ENDOU: variants seen among roughly 807,000 people sequenced by gnomAD.
The protein encoded by ENDOU is endonuclease, poly(U) specific, also known as uridylate-specific endoribonuclease.
In ENDOU, 49 loss-of-function variants were observed where a neutral mutation model predicts 54.2. The ratio of observed to expected loss-of-function variants is 0.90; its 90% CI spans 0.72 to 1.15. ENDOU has a LOEUF of 1.15. ENDOU is among the 50% of genes most tolerant of loss of function. The probability of loss-of-function intolerance (pLI) is 0.00; values close to 1 mark genes in which losing one functional copy is unlikely to be tolerated. For missense variants in ENDOU, 458 were observed against 511.4 expected (o/e 0.90, Z 1.01); for synonymous variants, 172 against 190.5 (o/e 0.90, Z 0.80).
rs765256309 is a variant in ENDOU at position 47,716,841 on chromosome 12, G to A, written c.551+49C>T. The A allele has an allele frequency of 3.1e-6, 5 of 1,592,904 alleles. No homozygotes were observed. In the African/African-American group the frequency reaches 5.4e-5, roughly 17 times the overall value. On this transcript the variant is annotated intron_variant, in intron 5 of 9. Coordinates refer to ENST00000422538, the MANE Select transcript of ENDOU (RefSeq NM_001172439.2). ...AAAGTCGAGACATCGAAAGAAGCAA[G>A]GATAGGGGCAAGATTTAGGGGGTAG...
intron 1 of ENDOU, among the ~76,000 whole-genome samples, chr12:47,721,624 C>T (rs924190111): frequency 2.0e-5 from 3 of 152,144 alleles, no homozygotes; most frequent in Non-Finnish European, 1.5e-5. Flanking sequence ...GAGGCGGGTG[C>T]GGGTGAGAAT....
In ENDOU at chr12:47,712,517, G is replaced by A. The variant is rs1940064789; in HGVS notation, c.971C>T (p.Pro324Leu). 6.2e-7 allele frequency: 1 copy of A among 1,609,090 alleles called. No individual in the cohort carries two copies. The highest frequency in any genetic ancestry group is 1.1e-5 in the South Asian group (1 of 90,932). Reference sequence around the variant, plus strand: ...GGCTTTTCTAGTCCGTGTACTCACAGGCCCATCGTAGATGTGACTGTAATA... The same window carrying A: ...GGCTTTTCTAGTCCGTGTACTCACAAGCCCATCGTAGATGTGACTGTAATA... The part of the protein sequence containing the change: ...VDYYSHIYDG[P>L]WDSYPDVLAM... The change falls in exon 8 of 10, where the codon CCT (proline) becomes CTT (leucine). Residue 324 changes from proline (P) to leucine (L), a missense_variant and splice_region_variant. Physicochemically the swap from Pro to Leu is moderately conservative, Grantham distance 98 (BLOSUM62 -3). Coordinates refer to ENST00000422538, the MANE Select transcript of ENDOU (RefSeq NM_001172439.2).
chr12:47,723,195 A>G (rs577617627), intron 1 of ENDOU, among the ~76,000 whole-genome samples: 1 of 152,274 alleles, frequency 6.6e-6, no homozygotes, highest in East Asian at 1.9e-4. Flanking sequence ...GGGCTTTTTC[A>G]TCTCTGCTCA....
intron 2 of ENDOU, among the ~76,000 whole-genome samples, chr12:47,718,885 C>G (rs905130300): frequency 2.0e-5 from 3 of 152,022 alleles, no homozygotes; most frequent in Admixed American, 2.0e-4. Context: ...ACCAGCACCC[C>G]CTCCACACAC....
rs200392378 is a variant in ENDOU at position 47,716,872 on chromosome 12, G to A, written c.551+18C>T. 1,610 of 1,613,462 alleles carry A rather than the reference G, an allele frequency of 1.0e-3. 11 individuals carry two copies. Among genetic ancestry groups the A allele is most frequent in the Non-Finnish European group, 2.8e-4 (326 of 1,179,700 alleles). ...GGGCAAGATTTAGGGGGTAGAAAGA[G>A]GAATTGTGGGAACTCACGGCTTTGG... On this transcript the variant is annotated intron_variant, in intron 5 of 9. Transcript: ENST00000422538.
rs1394399379 is a variant in ENDOU at position 47,711,748 on chromosome 12, T to C, written c.1000A>G (p.Met334Val). ...PWDSYPDVLA[M>V]QFNWDGYYKE... ...TAGTAGCCGTCCCAGTTGAACTGCA[T>C]TGCCAGCACATCGGGGTAAGAATCC... is the stretch of plus-strand genomic sequence containing the variant. The change falls in exon 9 of 10, where the codon ATG becomes GTG. Residue 334 changes from methionine to valine, a missense_variant. Transcript: ENST00000422538. The C allele has an allele frequency of 1.2e-6, 2 of 1,614,194 alleles. No homozygotes were observed. The highest frequency in any genetic ancestry group is 1.7e-5 in the Admixed American group (1 of 60,032).
At chr12:47,720,686 G>A (rs1223543820) in intron 2 of ENDOU, 67 bp downstream of exon 2, 1 of 1,513,252 alleles carries the variant, frequency 6.6e-7, no homozygotes, top group Non-Finnish European at 8.8e-7. Flanking sequence ...GCTCTGGCCT[G>A]CTGGACACCC....
intron 2 of ENDOU, chr12:47,720,060 A>T (rs1565736168): frequency 6.6e-6 from 1 of 152,434 alleles, no homozygotes. Context: ...TTCAGTGACC[A>T]TGTTTTCAAA....
At position 47,712,524 on chromosome 12, in the gene ENDOU, C is replaced by A; in HGVS notation, c.964G>T (p.Asp322Tyr). 1.2e-6 allele frequency: 2 copies of A among 1,612,364 alleles called. No individual in the cohort carries two copies. The highest frequency in any genetic ancestry group is 1.7e-6 in the Non-Finnish European group (2 of 1,178,446). Residue 322 changes from aspartate to tyrosine, a missense_variant, in exon 8 of 10, where the codon GAT (aspartate) becomes TAT (tyrosine). Transcript: ENST00000422538. ...GLVDYYSHIY[D>Y]GPWDSYPDVL... ...CTAGTCCGTGTACTCACAGGCCCAT[C>A]GTAGATGTGACTGTAATAGTCAACC...
At chr12:47,718,339 G>A in intron 2 of ENDOU, 145 bp from the exon 3 acceptor site, 1 of 633,496 alleles carries the variant, frequency 1.6e-6, no homozygotes, top group East Asian at 2.8e-5. Context: ...CCAATGGACA[G>A]GCACCAAATA....
At position 47,716,271 on chromosome 12, in the gene ENDOU, C is replaced by T. The variant is rs371554121; in HGVS notation, c.751+29G>A. 42 of 1,610,482 alleles carry T rather than the reference C, an allele frequency of 2.6e-5. No individual in the cohort carries two copies. The East Asian group carries it at 6.5e-4, about 25-fold the overall frequency. ...CTGGCTTCGCTCAGACAGACTCATGCGCTCTGGGGCCTGGGGGTGCTCACT... is the reference window on the plus strand; with the variant it reads ...CTGGCTTCGCTCAGACAGACTCATGTGCTCTGGGGCCTGGGGGTGCTCACT... On this transcript the variant is annotated intron_variant, in intron 6 of 9. Transcript: ENST00000422538.
rs1940238435 is a variant in ENDOU, at chr12:47,716,481, A to G, written c.570T>C (p.Asn190=). 3 of 1,613,604 alleles carry G rather than the reference A, an allele frequency of 1.9e-6. No homozygotes were observed. The highest frequency in any genetic ancestry group is 2.5e-6 in the Non-Finnish European group (3 of 1,180,026). ...RCPKPLFTYV[N]EKLFSKPTYA... The stretch of plus-strand genomic sequence containing the variant: ...AGGTGGGCTTGGAGAACAGCTTCTC[A>G]TTGACATAAGTGAAGAGTCTGGGGG... The change falls in exon 6 of 10, where the codon AAT becomes AAC. Residue 190 remains asparagine, a synonymous_variant. Transcript: ENST00000422538.
chr12:47,717,634 G>C lies in ENDOU; in HGVS notation c.266C>G (p.Ser89Cys). The change falls in exon 4 of 10, where the codon TCC becomes TGC. Residue 89 changes from serine to cysteine, a missense_variant. Ser to Cys is a moderately radical substitution (Grantham distance 112). Transcript: ENST00000422538. ...GGCTTCGTAGCAGCGGCCCTGGCAGGAGGTGGGTGCCGAGTACAAGTCTGA... is the reference window on the plus strand; with the variant it reads ...GGCTTCGTAGCAGCGGCCCTGGCAGCAGGTGGGTGCCGAGTACAAGTCTGA... ...LASNLYSAPTSCQGRCYEAFD... is the reference protein window; with the variant it reads ...LASNLYSAPTCCQGRCYEAFD... 1.9e-6 allele frequency: 3 copies of C among 1,614,134 alleles called. No individual in the cohort carries two copies. The highest frequency in any genetic ancestry group is 2.5e-6 in the Non-Finnish European group (3 of 1,180,020).
chr12:47,711,304 C>G (rs978754829), intron 9 of ENDOU, among the ~76,000 whole-genome samples: 3 of 152,144 alleles, frequency 2.0e-5, no homozygotes, highest in African/African-American at 7.2e-5. Flanking sequence ...TTCTGGAGCT[C>G]TAGGTTCCCC....
chr12:47,711,288 G>T (rs1939990556), intron 9 of ENDOU, among the ~76,000 whole-genome samples: 1 of 152,130 alleles, frequency 6.6e-6, no homozygotes, highest in African/African-American at 2.4e-5. Context: ...GGTTCCTAAT[G>T]GTACTTTCTG....
At chr12:47,711,030 G>A (rs1271526972) in intron 9 of ENDOU, 111 bp from the exon 10 acceptor site, 2 of 627,748 alleles carry the variant, frequency 3.2e-6, no homozygotes, top group East Asian at 2.8e-5. Context: ...TGCTTAAACA[G>A]CCTTAAAGAC....
intron 2 of ENDOU, chr12:47,720,204 A>C (rs1940387377): frequency 6.6e-6 from 1 of 152,218 alleles, no homozygotes; most frequent in Non-Finnish European, 1.5e-5. Context: ...TCAAGTATTC[A>C]TTTAAAACTA....
intron 2 of ENDOU, among the ~76,000 whole-genome samples, chr12:47,718,621 G>A (rs1447216832): frequency 6.6e-6 from 1 of 152,178 alleles, no homozygotes; most frequent in Non-Finnish European, 1.5e-5. Flanking sequence ...AATAAGAGCT[G>A]TTTCCTGAGA....
At chr12:47,723,946 G>A (rs536585575) in intron 1 of ENDOU, among the ~76,000 whole-genome samples, 2 of 152,314 alleles carry the variant, frequency 1.3e-5, no homozygotes, top group African/African-American at 4.8e-5. Flanking sequence ...TCAGTTCTGA[G>A]ATGTTGGGAT....
Sources: allele counts gnomAD v4.1 joint callset (sites outside exome capture counted in the v4.1 genomes callset), GRCh38; gene constraint gnomAD v4.1.1; transcripts MANE v1.5; gene names NCBI Gene and HGNC (gene_info 2026-07-23, HGNC 2026-07-21).